Variants in PRDM7 observed in about 807,000 individuals in gnomAD.
The protein encoded by PRDM7 is PR/SET domain 7, also known as histone-lysine N-methyltransferase PRDM7.
PRDM7 carries 52 observed loss-of-function variants against 64.3 expected under a neutral mutation model. The observed-to-expected ratio is 0.81, with a 90% confidence interval of 0.65 to 1.02. PRDM7 has a LOEUF of 1.02. Among genes scored for constraint, PRDM7 ranks in the 50% least tolerant of loss-of-function variants. The probability of loss-of-function intolerance (pLI) is 0.00; values close to 1 mark genes in which losing one functional copy is unlikely to be tolerated. For missense variants in PRDM7, 574 were observed against 597.1 expected, an observed-to-expected ratio of 0.96 and a Z score of 0.40; for synonymous variants, 192 against 210.1, an observed-to-expected ratio of 0.91 and a Z score of 0.74.
chr16:90,058,651 C>T (rs62054651), intron 10 of PRDM7, 117 bp from the exon 11 acceptor site: 1 of 1,280,514 alleles, frequency 7.8e-7, no homozygotes, highest in Non-Finnish European at 1.1e-6. Flanking sequence ...TGCAAGCTCT[C>T]TCCCACCAAG....
chr16:90,057,984 C>G lies in PRDM7; in HGVS notation c.*305G>C, dbSNP rs2037709062. 5 of 1,605,382 alleles carry G rather than the reference C, an allele frequency of 3.1e-6. No homozygotes were observed. The highest frequency in any genetic ancestry group is 1.1e-5 in the South Asian group (1 of 90,970). Reference sequence around the variant, plus strand: ...TGTGTCCTCTGGTGACTGAGGAGGTCTGACTTCCGGCTAAAGCCCTCCCAC... The same window carrying G: ...TGTGTCCTCTGGTGACTGAGGAGGTGTGACTTCCGGCTAAAGCCCTCCCAC... On this transcript the variant is annotated 3_prime_UTR_variant, in exon 11 of 11. Transcript: ENST00000449207.
chr16:90,070,532 C>T (rs779167434), intron 4 of PRDM7, among the ~76,000 whole-genome samples: 1 of 150,984 alleles, frequency 6.6e-6, no homozygotes, highest in South Asian at 2.1e-4. Context: ...TGCAGTGAGC[C>T]GAGATTGCAC....
chr16:90,071,944 G>A (rs1203713989), intron 4 of PRDM7, among the ~76,000 whole-genome samples: 3 of 152,192 alleles, frequency 2.0e-5, no homozygotes, highest in Admixed American at 6.5e-5. Context: ...TGTAATCCCA[G>A]CACTTCGGGA....
intron 4 of PRDM7, 29 bp downstream of exon 4, chr16:90,074,887 A>C (rs1470292464): frequency 1.2e-6 from 2 of 1,610,546 alleles, no homozygotes; most frequent in Admixed American, 3.3e-5. Context: ...CTTTAAAAAA[A>C]AAAAAATCCT....
chr16:90,064,282 A>G (rs1267958927), intron 5 of PRDM7, among the ~76,000 whole-genome samples: 1 of 152,218 alleles, frequency 6.6e-6, no homozygotes, highest in Non-Finnish European at 1.5e-5. Context: ...CCTGGAAAGA[A>G]TATTTGGCTT....
Position 90,057,983 on chromosome 16 carries a change from T to C in PRDM7, c.*306A>G. On this transcript the variant is annotated 3_prime_UTR_variant, in exon 11 of 11. Transcript: ENST00000449207. ...GTGTGTCCTCTGGTGACTGAGGAGG[T>C]CTGACTTCCGGCTAAAGCCCTCCCA... The C allele has an allele frequency of 6.2e-7, 1 of 1,603,764 alleles. No homozygotes were observed. The highest frequency in any genetic ancestry group is 8.5e-7 in the Non-Finnish European group (1 of 1,173,624).
chr16:90,061,931 T>C lies in PRDM7; in HGVS notation c.872A>G (p.Tyr291Cys), dbSNP rs1567875580. 6.2e-7 allele frequency: 1 copy of C among 1,614,278 alleles called. No individual in the cohort carries two copies. ...TEDEEAANSGYSWLITKGRNC... is the reference protein window; with the variant it reads ...TEDEEAANSGCSWLITKGRNC... ...GCAGGCTCTTCTTACTAGCCAGGAA[T>C]ATCCACTGTTGGCTGCCTCTTCGTC... Residue 291 changes from tyrosine to cysteine, a missense_variant, in exon 8 of 11, where the codon TAT (tyrosine) becomes TGT (cysteine). Tyr to Cys is a radical substitution (Grantham distance 194). Coordinates refer to ENST00000449207, the MANE Select transcript of PRDM7 (RefSeq NM_001098173.2).
At chr16:90,070,925 T>C (rs1358799279) in intron 4 of PRDM7, among the ~76,000 whole-genome samples, 1 of 152,250 alleles carries the variant, frequency 6.6e-6, no homozygotes, top group Non-Finnish European at 1.5e-5. Context: ...TATGAAAATA[T>C]GCTTAACATC....
intron 5 of PRDM7, 80 bp downstream of exon 5, chr16:90,066,781 G>A: frequency 2.3e-6 from 3 of 1,290,700 alleles, no homozygotes; most frequent in South Asian, 2.4e-5. Context: ...TCCTAGGATA[G>A]TCTGTACATT....
chr16:90,063,072 T>C (rs1567876311), intron 6 of PRDM7, among the ~76,000 whole-genome samples: 2 of 152,234 alleles, frequency 1.3e-5, no homozygotes, highest in Non-Finnish European at 2.9e-5. Flanking sequence ...TTATAAGATT[T>C]GCCCAAGGCC....
At position 90,075,828 on chromosome 16, in the gene PRDM7, C is replaced by T; in HGVS notation, c.69+14G>A. 6.2e-7 allele frequency: 1 copy of T among 1,613,186 alleles called. No homozygotes were observed. The highest frequency in any genetic ancestry group is 1.1e-5 in the South Asian group (1 of 90,860). ...TCCTGCTGGGAGTCTGGCTTCGCCT[C>T]CCCGACTTCTCACCATGGGCTTCCG... On this transcript the variant is annotated intron_variant, in intron 2 of 10. Coordinates refer to ENST00000449207, the MANE Select transcript of PRDM7 (RefSeq NM_001098173.2). The surrounding 1 kb of genome is among the most constrained non-coding windows in gnomAD (Gnocchi z 4.3).
chr16:90,071,960 C>G (rs145810258), intron 4 of PRDM7, among the ~76,000 whole-genome samples: 1 of 152,090 alleles, frequency 6.6e-6, no homozygotes. Flanking sequence ...CGGGAGGCCG[C>G]GGCAGGCGGA....
chr16:90,059,265 C>T (rs2151304947), intron 10 of PRDM7, among the ~76,000 whole-genome samples: 1 of 152,300 alleles, frequency 6.6e-6, no homozygotes, highest in Non-Finnish European at 1.5e-5. Context: ...GTTTCAGATT[C>T]CACAAATCAT....
chr16:90,062,036 G>A lies in PRDM7; in HGVS notation c.767C>T (p.Ala256Val), dbSNP rs1356729348. ...LRIGPSGIPQ[A>V]GLGVWNEASD... The stretch of plus-strand genomic sequence containing the variant: ...TGCCTCGTTCCATACTCCAAGCCCA[G>A]CCTGAGGGATGCCTGATGGCCCAAT... The change falls in exon 8 of 11, where the codon GCT (alanine) becomes GTT (valine). Residue 256 changes from alanine to valine, a missense_variant. Ala to Val is a moderately conservative substitution (Grantham distance 64). Coordinates refer to ENST00000449207, the MANE Select transcript of PRDM7 (RefSeq NM_001098173.2). 1 of 1,614,132 alleles carries A rather than the reference G, an allele frequency of 6.2e-7. No homozygotes were observed. The highest frequency in any genetic ancestry group is 1.3e-5 in the African/African-American group (1 of 74,932).
chr16:90,068,066 A>G (rs1043032505), intron 4 of PRDM7, among the ~76,000 whole-genome samples: 2 of 151,166 alleles, frequency 1.3e-5, no homozygotes, highest in African/African-American at 4.9e-5. Flanking sequence ...ATGGAAAGGA[A>G]GAAGTAAAAT....
intron 5 of PRDM7, among the ~76,000 whole-genome samples, chr16:90,064,616 T>G (rs8063877): frequency 0.93 from 140,179 of 150,498 alleles, 65,545 homozygotes; most frequent in East Asian, 1. Flanking sequence ...GTTTCGCTAG[T>G]TTGGCCAGGC....
chr16:90,074,651 A>G (rs1193615538), intron 4 of PRDM7, among the ~76,000 whole-genome samples: 1 of 152,066 alleles, frequency 6.6e-6, no homozygotes, highest in Non-Finnish European at 1.5e-5. Context: ...AGGTGGGTAG[A>G]TCACCTGAGG....
rs757780820 is a variant in PRDM7, at chr16:90,058,407, A to G, written c.1361T>C (p.Phe454Ser). 2 of 1,614,098 alleles carry G rather than the reference A, an allele frequency of 1.2e-6. No homozygotes were observed. Among genetic ancestry groups the G allele is most frequent in the Non-Finnish European group, 1.7e-6 (2 of 1,180,018 alleles). The change falls in exon 11 of 11, where the codon TTC (phenylalanine) becomes TCC (serine). Residue 454 changes from phenylalanine to serine, a missense_variant. By Grantham distance (155) the Phe-to-Ser change is radical. Coordinates refer to ENST00000449207, the MANE Select transcript of PRDM7 (RefSeq NM_001098173.2). ...CTGGGCAGGGATTCTCTGGTTGGAG[A>G]AGTTTTCTTGCAGATGGTCCTGGGA... ...RTSQDHLQEN[F>S]SNQRIPAQGI... is the part of the protein sequence containing the mutation.
Position 90,058,080 on chromosome 16 carries a change from G to A in PRDM7, c.*209C>T. On this transcript the variant is annotated 3_prime_UTR_variant, in exon 11 of 11. Transcript: ENST00000449207. ...GTGTAATAACATCTGACTTATCACTGAAACCTTGCCCACACTCTCCATATT... is the reference window on the plus strand; with the variant it reads ...GTGTAATAACATCTGACTTATCACTAAAACCTTGCCCACACTCTCCATATT... 1 of 1,613,590 alleles carries A rather than the reference G, an allele frequency of 6.2e-7. No homozygotes were observed. The highest frequency in any genetic ancestry group is 1.1e-5 in the South Asian group (1 of 91,068).
Sources: allele counts gnomAD v4.1 joint callset (sites outside exome capture counted in the v4.1 genomes callset), GRCh38; gene constraint gnomAD v4.1.1; non-coding constraint Gnocchi (gnomAD v3.1); transcripts MANE v1.5; gene names NCBI Gene and HGNC (gene_info 2026-07-23, HGNC 2026-07-21).